The following ZMAT4 variants were observed in gnomAD, a reference collection of about 807,000 sequenced individuals.
ZMAT4 encodes the protein zinc finger matrin-type protein 4.
Under a neutral mutation model 28.7 loss-of-function variants are expected in ZMAT4, and 17 were observed. The ratio of observed to expected loss-of-function variants is 0.59; its 90% CI spans 0.41 to 0.89. ZMAT4 has a LOEUF of 0.89. ZMAT4 is among the 40% of genes least tolerant of loss of function. The pLI, the probability that ZMAT4 is intolerant of heterozygous loss-of-function variation, is 0.00. For synonymous variants in ZMAT4, 117 were observed against 109.2 expected (o/e 1.07, Z -0.44); for missense variants, 240 against 283.8 (o/e 0.85, Z 1.11).
intron 1 of ZMAT4, among the ~76,000 whole-genome samples, chr8:40,865,953 G>C (rs750894773): frequency 6.6e-6 from 1 of 152,230 alleles, no homozygotes; most frequent in East Asian, 1.9e-4. Flanking sequence ...GACTGGATTC[G>C]ACAAAGCCTC....
At chr8:40,834,433 T>C (rs555502633) in intron 1 of ZMAT4, among the ~76,000 whole-genome samples, 1 of 152,290 alleles carries the variant, frequency 6.6e-6, no homozygotes, top group African/African-American at 2.4e-5. Context: ...GTAAATTCTA[T>C]GCAAATCCCA....
At chr8:40,555,123 C>T (rs1803491120) in intron 6 of ZMAT4, among the ~76,000 whole-genome samples, 1 of 152,122 alleles carries the variant, frequency 6.6e-6, no homozygotes, top group Non-Finnish European at 1.5e-5. Context: ...TGAGTTCCAT[C>T]AATGTTGCTG....
At chr8:40,841,188 G>A (rs1398701212) in intron 1 of ZMAT4, among the ~76,000 whole-genome samples, 2 of 152,210 alleles carry the variant, frequency 1.3e-5, no homozygotes, top group Admixed American at 1.3e-4. Context: ...GTTTTGCGGT[G>A]AACTCTCCAA....
At chr8:40,754,070 G>A (rs1812569650) in intron 3 of ZMAT4, among the ~76,000 whole-genome samples, 1 of 151,944 alleles carries the variant, frequency 6.6e-6, no homozygotes, top group Non-Finnish European at 1.5e-5. Flanking sequence ...TACTCGGGAG[G>A]CTGAGGAAGG....
rs144323691 is a variant in ZMAT4 at position 40,710,987 on chromosome 8, T to C, written c.193-13586A>G. Among the ~76,000 whole-genome samples the C allele has an allele frequency of 2.0e-3, 312 of 152,220 alleles. 5 individuals carry two copies. The East Asian group carries it at 0.049, about 24-fold the overall frequency. On this transcript the variant is annotated intron_variant, in intron 3 of 6. Coordinates refer to ENST00000297737, the MANE Select transcript of ZMAT4 (RefSeq NM_024645.3). Reference sequence around the variant, plus strand: ...TTTTAGTAGAGACGGGGTTTCACCATGTTGGCTAGGATGGTCTCGATCTCT... The same window carrying C: ...TTTTAGTAGAGACGGGGTTTCACCACGTTGGCTAGGATGGTCTCGATCTCT...
intron 4 of ZMAT4, among the ~76,000 whole-genome samples, chr8:40,684,579 C>G (rs969683656): frequency 1.8e-4 from 28 of 152,230 alleles, no homozygotes; most frequent in Non-Finnish European, 3.5e-4. Context: ...CTAATCCATA[C>G]CCCGTGCTCA....
chr8:40,867,185 G>A (rs182288009), intron 1 of ZMAT4, among the ~76,000 whole-genome samples: 1 of 151,936 alleles, frequency 6.6e-6, no homozygotes, highest in African/African-American at 2.4e-5. Context: ...GGCTTTCTTG[G>A]GCCACATTGG....
chr8:40,766,493 C>T (rs752249377), intron 3 of ZMAT4, among the ~76,000 whole-genome samples: 8 of 151,974 alleles, frequency 5.3e-5, no homozygotes, highest in South Asian at 4.1e-4. Context: ...AGGGTCCTAA[C>T]GCTAAGGGCT....
chr8:40,593,528 ACAACTGTCGAAGGATTGTG>A (rs1804964601), intron 5 of ZMAT4, among the ~76,000 whole-genome samples: 1 of 152,120 alleles, frequency 6.6e-6, no homozygotes, highest in Non-Finnish European at 1.5e-5. Flanking sequence ...GTGATAGGTG[ACAACTGTCGAAGGATTGTG>A]ATACTTGCCT....
chr8:40,680,735 T>G (rs937876220), intron 4 of ZMAT4, among the ~76,000 whole-genome samples: 1 of 144,366 alleles, frequency 6.9e-6, no homozygotes, highest in Admixed American at 6.8e-5. Context: ...CACACACATA[T>G]ACTTTCTCTC....
At chr8:40,589,545 A>G (rs751399248) in intron 5 of ZMAT4, among the ~76,000 whole-genome samples, 3 of 152,148 alleles carry the variant, frequency 2.0e-5, no homozygotes, top group Non-Finnish European at 4.4e-5. Flanking sequence ...CTAGAAATCT[A>G]TATATTTTTA....
At chr8:40,810,904 A>C (rs1399689506) in intron 2 of ZMAT4, among the ~76,000 whole-genome samples, 2 of 152,188 alleles carry the variant, frequency 1.3e-5, no homozygotes, top group African/African-American at 4.8e-5. Context: ...AAATCATTTA[A>C]AAAGTATGTT....
intron 5 of ZMAT4, among the ~76,000 whole-genome samples, chr8:40,613,171 A>T (rs371486155): frequency 0.018 from 1,725 of 96,626 alleles, 33 homozygotes; most frequent in Middle Eastern, 0.069. Flanking sequence ...TTTCTTTCTT[A>T]CTTTCTTTCT....
At chr8:40,740,167 G>A (rs191449116) in intron 3 of ZMAT4, among the ~76,000 whole-genome samples, 4 of 152,254 alleles carry the variant, frequency 2.6e-5, no homozygotes, top group Non-Finnish European at 5.9e-5. Flanking sequence ...CCCAGTAATG[G>A]CATTGCTGGG....
At chr8:40,636,196 G>A (rs1273143838) in intron 5 of ZMAT4, among the ~76,000 whole-genome samples, 1 of 152,220 alleles carries the variant, frequency 6.6e-6, no homozygotes, top group East Asian at 1.9e-4. Context: ...GATTGCGTAA[G>A]CACACATACA....
intron 2 of ZMAT4, among the ~76,000 whole-genome samples, chr8:40,813,089 G>A (rs1815393997): frequency 6.6e-6 from 1 of 151,432 alleles, no homozygotes; most frequent in Non-Finnish European, 1.5e-5. Context: ...TTAACAATAG[G>A]GGAAACAAAG....
intron 2 of ZMAT4, among the ~76,000 whole-genome samples, chr8:40,777,820 G>A (rs1187538067): frequency 6.6e-6 from 1 of 152,182 alleles, no homozygotes; most frequent in Non-Finnish European, 1.5e-5. Flanking sequence ...AGGCTCCCAG[G>A]AGCTCCCCCA....
intron 5 of ZMAT4, among the ~76,000 whole-genome samples, chr8:40,604,180 C>T (rs1805501359): frequency 6.6e-6 from 1 of 152,150 alleles, no homozygotes; most frequent in Non-Finnish European, 1.5e-5. Context: ...GACAGTTTGA[C>T]TTCCTCTTTA....
intron 5 of ZMAT4, among the ~76,000 whole-genome samples, chr8:40,634,349 C>T (rs1360192125): frequency 6.6e-6 from 1 of 152,160 alleles, no homozygotes; most frequent in Non-Finnish European, 1.5e-5. Context: ...CCTGATTCCT[C>T]TGTGTATCTA....
Sources: gnomAD v4.1 joint callset for allele counts (sites outside exome capture counted in the v4.1 genomes callset) on GRCh38, gnomAD v4.1.1 for gene constraint, MANE v1.5 for transcripts, NCBI Gene and HGNC (gene_info 2026-07-23, HGNC 2026-07-21) for gene names.